The following APPL1 variants were observed in gnomAD, a reference collection of about 807,000 sequenced individuals.
APPL1 encodes the protein adaptor protein, phosphotyrosine interacting with PH domain and leucine zipper 1, also known as DCC-interacting protein 13-alpha.
In APPL1, 42 loss-of-function variants were observed where a neutral mutation model predicts 106.8. The observed-to-expected ratio is 0.39, with a 90% CI of 0.31 to 0.51. The LOEUF (loss-of-function observed/expected upper bound fraction) is 0.51, where lower values mean the gene tolerates loss of function less well. Among genes scored for constraint, APPL1 ranks in the 20% least tolerant of loss-of-function variants. The probability of loss-of-function intolerance (pLI) is 0.75; values close to 1 mark genes in which losing one functional copy is unlikely to be tolerated. For synonymous variants in APPL1, 263 were observed against 281.8 expected (o/e 0.93, Z 0.67); for missense variants, 769 against 858.2 (o/e 0.90, Z 1.30).
chr3:57,268,884 G>A (rs1327935521), intron 21 of APPL1: 1 of 152,374 alleles, frequency 6.6e-6, no homozygotes, highest in African/African-American at 2.4e-5. Flanking sequence ...TGCCAGGAGT[G>A]TCAAATCATT....
In APPL1 at chr3:57,259,057, G is replaced by T. The variant is rs1454188784; in HGVS notation, c.1460G>T (p.Gly487Val). The change falls in exon 16 of 22, where the codon GGA (glycine) becomes GTA (valine). Residue 487 changes from glycine to valine, a missense_variant. Physicochemically the swap from Gly to Val is moderately radical, Grantham distance 109. Coordinates refer to ENST00000288266, the MANE Select transcript of APPL1 (RefSeq NM_012096.3). The part of the protein sequence containing the change: ...RRTNPFGESG[G>V]STKSETEDSI... ...ACAAATCCATTTGGAGAATCTGGAG[G>T]AAGTACAAAATCTGAAACTGAAGGT... 2 of 1,612,548 alleles carry T rather than the reference G, an allele frequency of 1.2e-6. No individual in the cohort carries two copies. The highest frequency in any genetic ancestry group is 1.7e-5 in the Admixed American group (1 of 59,802).
At chr3:57,251,853 A>G (rs1193508938) in intron 11 of APPL1, among the ~76,000 whole-genome samples, 1 of 152,204 alleles carries the variant, frequency 6.6e-6, no homozygotes, top group African/African-American at 2.4e-5. Context: ...TAACATTGAA[A>G]TATTTGATTT....
At chr3:57,247,821 T>C (rs981999078) in intron 9 of APPL1, among the ~76,000 whole-genome samples, 9 of 152,198 alleles carry the variant, frequency 5.9e-5, no homozygotes, top group African/African-American at 2.2e-4. Context: ...TTCCAAGCCA[T>C]GAAAGCTTAG....
chr3:57,233,096 TTGTTA>T (rs1352259110), intron 1 of APPL1, among the ~76,000 whole-genome samples: 20 of 152,320 alleles, frequency 1.3e-4, no homozygotes, highest in Non-Finnish European at 1.8e-4. Context: ...ATGCTTATAT[TTGTTA>T]TGTTTACATG....
intron 16 of APPL1, 91 bp downstream of exon 16, chr3:57,259,171 C>T (rs571163421): frequency 5.3e-6 from 6 of 1,126,332 alleles, no homozygotes; most frequent in African/African-American, 4.7e-5. Flanking sequence ...TGCTACTAAG[C>T]TCAGTTTTAA....
intron 19 of APPL1, among the ~76,000 whole-genome samples, chr3:57,265,082 G>A (rs554065777): frequency 9.9e-5 from 15 of 152,074 alleles, no homozygotes; most frequent in Admixed American, 3.9e-4. Flanking sequence ...ATCCATGAAC[G>A]TGGAATATGT....
intron 13 of APPL1, 63 bp from the exon 14 acceptor site, chr3:57,256,894 C>G: frequency 7.8e-7 from 1 of 1,279,818 alleles, no homozygotes; most frequent in Non-Finnish European, 1.1e-6. Flanking sequence ...TTCAGAGTTA[C>G]ATTCAAACTT....
chr3:57,257,254 G>A lies in APPL1; in HGVS notation c.1256G>A (p.Arg419Gln), dbSNP rs531307944. ...ESLRPAAGQSRPPTARTSSSG... is the reference protein window; with the variant it reads ...ESLRPAAGQSQPPTARTSSSG... The stretch of plus-strand genomic sequence containing the variant: ...TCTTGTTTTATGCTTAGACAATCTC[G>A]GCCACCGACAGCTCGAACCAGCAGT... Residue 419 changes from arginine (R) to glutamine (Q), a missense_variant, in exon 15 of 22, where the codon CGG becomes CAG. Transcript: ENST00000288266. 17 of 1,610,344 alleles carry A rather than the reference G, an allele frequency of 1.1e-5. No homozygotes were observed. The South Asian group carries it at 1.2e-4, about 11-fold the overall frequency.
intron 1 of APPL1, among the ~76,000 whole-genome samples, chr3:57,230,381 A>G (rs1249921346): frequency 2.0e-5 from 3 of 152,098 alleles, no homozygotes; most frequent in Non-Finnish European, 4.4e-5. Context: ...AGAATAACAC[A>G]CAATTACCTG....
chr3:57,261,862 G>T (rs964920427), intron 19 of APPL1, among the ~76,000 whole-genome samples: 1 of 152,102 alleles, frequency 6.6e-6, no homozygotes, highest in Non-Finnish European at 1.5e-5. Flanking sequence ...TTCCATAGTG[G>T]TTGTACTAGT....
At chr3:57,252,856 C>T (rs1038442454) in intron 12 of APPL1, among the ~76,000 whole-genome samples, 4 of 152,106 alleles carry the variant, frequency 2.6e-5, no homozygotes, top group Non-Finnish European at 5.9e-5. Context: ...ATGCTTCAAA[C>T]CTTTATCTTG....
intron 2 of APPL1, among the ~76,000 whole-genome samples, chr3:57,236,044 CT>C (rs34912084): frequency 0.43 from 56,812 of 131,084 alleles, 11,857 homozygotes; most frequent in East Asian, 0.89. Flanking sequence ...CCCACCCCCA[CT>C]TTTTTTTTTT....
chr3:57,268,429 T>A lies in APPL1; in HGVS notation c.1925T>A (p.Ile642Lys), dbSNP rs948238422. The change falls in exon 21 of 22, where the codon ATA becomes AAA. Residue 642 changes from isoleucine (I) to lysine (K), a missense_variant. By Grantham distance (102) the Ile-to-Lys change is moderately radical. Coordinates refer to ENST00000288266, the MANE Select transcript of APPL1 (RefSeq NM_012096.3). ...AGGGCATCAGAAAAACAAAAAGAAATAGAGAGAGTAAAAGAGAAGCAACAG... is the reference window on the plus strand; with the variant it reads ...AGGGCATCAGAAAAACAAAAAGAAAAAGAGAGAGTAAAAGAGAAGCAACAG... ...DRRASEKQKE[I>K]ERVKEKQQKE... is the part of the protein sequence containing the mutation. 3.1e-6 allele frequency: 5 copies of A among 1,600,246 alleles called. No homozygotes were observed. The highest frequency in any genetic ancestry group is 4.3e-6 in the Non-Finnish European group (5 of 1,172,142).
intron 11 of APPL1, among the ~76,000 whole-genome samples, chr3:57,251,460 G>A (rs2060804092): frequency 6.6e-6 from 1 of 151,116 alleles, no homozygotes; most frequent in African/African-American, 2.4e-5. Context: ...AGGAGGCAGA[G>A]GTTGCAGTGA....
intron 1 of APPL1, 35 bp downstream of exon 1, chr3:57,227,972 G>A: frequency 1.4e-6 from 2 of 1,403,744 alleles, no homozygotes; most frequent in Non-Finnish European, 1.9e-6. Context: ...ACGAGGGAGA[G>A]CCCAGCTGGC....
Position 57,269,670 on chromosome 3 carries a change from A to G in APPL1, c.2113A>G (p.Arg705Gly), listed in dbSNP as rs1016032266. ...ESDLGEGGKK[R>G]ESEA ...TGATTTGGGAGAAGGAGGAAAGAAG[A>G]GAGAATCAGAAGCATAAGCTTATAC... Residue 705 changes from arginine to glycine, a missense_variant, in exon 22 of 22, where the codon AGA becomes GGA. Arg to Gly is a moderately radical substitution (Grantham distance 125). Transcript: ENST00000288266. 15 of 1,613,950 alleles carry G rather than the reference A, an allele frequency of 9.3e-6. No homozygotes were observed. Among genetic ancestry groups the G allele is most frequent in the Non-Finnish European group, 1.3e-5 (15 of 1,179,966 alleles).
chr3:57,242,170 T>C (rs1272827025), intron 6 of APPL1, 28 bp downstream of exon 6: 2 of 1,558,168 alleles, frequency 1.3e-6, no homozygotes, highest in Non-Finnish European at 1.8e-6. Context: ...CACACTTATT[T>C]CTTGCAGTGA....
chr3:57,269,774 AAGG>A lies in APPL1; in HGVS notation c.*93_*95del. 7.0e-7 allele frequency: 1 copy of A among 1,422,754 alleles called. No individual in the cohort carries two copies. Among genetic ancestry groups the A allele is most frequent in the Non-Finnish European group, 9.7e-7 (1 of 1,028,378 alleles). The allele number at this position is 1,422,754 out of a possible 1,614,324, so 88.1% of individuals were successfully genotyped here. A position where few individuals can be genotyped will look rare whatever the true frequency, so the allele number is the denominator to read the frequency against. ...AAGGTAACAACTATGTTGAAATATC[AAGG>A]AGGAGATTAAGCTTTATATTTGCTT... On this transcript the variant is annotated 3_prime_UTR_variant, in exon 22 of 22. Transcript: ENST00000288266.
rs928572253 is a variant in APPL1, at chr3:57,228,516, C to G, written c.54+579C>G. 6.6e-6 allele frequency among the ~76,000 whole-genome samples: 1 copy of G among 152,210 alleles called. No individual in the cohort carries two copies. The highest frequency in any genetic ancestry group is 1.5e-5 in the Non-Finnish European group (1 of 68,040). ...GGCCGTGACTGTGGTCGCTGTCACT[C>G]GAGCTGTGCACGGCGAGGGATGGAC... On this transcript the variant is annotated intron_variant, in intron 1 of 21. Transcript: ENST00000288266. This position sits in a 1 kb window ranked among gnomAD's most constrained non-coding sequence, Gnocchi z 4.6.
Sources: gnomAD v4.1 joint callset for allele counts (sites outside exome capture counted in the v4.1 genomes callset) on GRCh38, gnomAD v4.1.1 for gene constraint, Gnocchi (gnomAD v3.1) non-coding constraint, MANE v1.5 for transcripts, NCBI Gene and HGNC (gene_info 2026-07-23, HGNC 2026-07-21) for gene names.